KCNB2: variants seen among roughly 807,000 people sequenced by gnomAD.
The protein encoded by KCNB2 is delayed rectifier potassium channel protein.
Under a neutral mutation model 61.5 loss-of-function variants are expected in KCNB2, and 15 were observed. The ratio of observed to expected loss-of-function variants is 0.24; its 90% CI spans 0.16 to 0.38. The LOEUF (loss-of-function observed/expected upper bound fraction) is 0.38, where lower values mean the gene tolerates loss of function less well. Ranked by LOEUF, KCNB2 falls within the 10% of genes least tolerant of loss-of-function variation. The probability of loss-of-function intolerance (pLI) is 1.00; values close to 1 mark genes in which losing one functional copy is unlikely to be tolerated. For synonymous variants in KCNB2, 457 were observed against 446.0 expected (o/e 1.02, Z -0.31); for missense variants, 828 against 1,125.2 (o/e 0.74, Z 3.78).
At chr8:72,616,245 G>A (rs1393088164) in intron 2 of KCNB2, among the ~76,000 whole-genome samples, 2 of 152,066 alleles carry the variant, frequency 1.3e-5, no homozygotes, top group African/African-American at 4.8e-5. Flanking sequence ...ATTTAGAATT[G>A]GTATAAAATT....
intron 2 of KCNB2, among the ~76,000 whole-genome samples, chr8:72,597,874 A>G (rs1807224522): frequency 6.6e-6 from 1 of 152,206 alleles, no homozygotes; most frequent in East Asian, 1.9e-4. Context: ...TTGTATACTG[A>G]TGGTAGGAGT....
intron 2 of KCNB2, among the ~76,000 whole-genome samples, chr8:72,634,770 G>T (rs1805938502): frequency 6.6e-6 from 1 of 152,148 alleles, no homozygotes; most frequent in East Asian, 1.9e-4. Flanking sequence ...ATAGGTTCTT[G>T]ATGACAAGAT....
intron 1 of KCNB2, among the ~76,000 whole-genome samples, chr8:72,542,388 G>C (rs1585741749): frequency 6.6e-6 from 1 of 151,732 alleles, no homozygotes; most frequent in East Asian, 1.9e-4. Context: ...TAAAAATTTG[G>C]GTATTTTAGA....
At chr8:72,921,093 T>C (rs1806512757) in intron 2 of KCNB2, among the ~76,000 whole-genome samples, 2 of 152,108 alleles carry the variant, frequency 1.3e-5, no homozygotes, top group African/African-American at 4.8e-5. Flanking sequence ...TGAGAAACAT[T>C]GGGATCATGT....
intron 1 of KCNB2, among the ~76,000 whole-genome samples, chr8:72,538,149 CCGAG>C (rs1172375407): frequency 6.6e-6 from 1 of 152,082 alleles, no homozygotes; most frequent in Non-Finnish European, 1.5e-5. Flanking sequence ...TTTCTAGGAG[CCGAG>C]CTCTTGTTGC....
At chr8:72,924,632 A>C (rs895713175) in intron 2 of KCNB2, among the ~76,000 whole-genome samples, 5 of 152,148 alleles carry the variant, frequency 3.3e-5, no homozygotes, top group African/African-American at 1.2e-4. Context: ...AAATGTCCGC[A>C]TCAGACAGCT....
chr8:72,931,151 A>G (rs1328702689), intron 2 of KCNB2, among the ~76,000 whole-genome samples: 3 of 152,002 alleles, frequency 2.0e-5, no homozygotes, highest in African/African-American at 4.8e-5. Flanking sequence ...TGTTCCATTG[A>G]TCTATATCTC....
intron 2 of KCNB2, among the ~76,000 whole-genome samples, chr8:72,921,841 C>A (rs1427371514): frequency 1.3e-5 from 2 of 152,120 alleles, no homozygotes; most frequent in African/African-American, 4.8e-5. Context: ...AACTGGTTTT[C>A]CTGCTGACTA....
intron 2 of KCNB2, among the ~76,000 whole-genome samples, chr8:72,722,425 C>G (rs1337940392): frequency 6.6e-6 from 1 of 152,202 alleles, no homozygotes; most frequent in African/African-American, 2.4e-5. Context: ...AGCCATGGGG[C>G]CTTCCCTCCT....
chr8:72,725,559 A>C (rs1371546665), intron 2 of KCNB2, among the ~76,000 whole-genome samples: 1 of 58,336 alleles, frequency 1.7e-5, no homozygotes, highest in Non-Finnish European at 3.7e-5. Context: ...ATATATATGT[A>C]TATATGTATA....
At chr8:72,567,326 T>C (rs977124843) in intron 1 of KCNB2, among the ~76,000 whole-genome samples, 1 of 151,932 alleles carries the variant, frequency 6.6e-6, no homozygotes, top group African/African-American at 2.4e-5. Flanking sequence ...AAAGAGTTGA[T>C]CAAGCACATG....
chr8:72,902,573 AT>A (rs1806108466), intron 2 of KCNB2, among the ~76,000 whole-genome samples: 1 of 152,170 alleles, frequency 6.6e-6, no homozygotes, highest in South Asian at 2.1e-4. Flanking sequence ...TTGACCAAAT[AT>A]TTTATCAATG....
chr8:72,575,315 A>G (rs1379697052), intron 2 of KCNB2, among the ~76,000 whole-genome samples: 1 of 135,472 alleles, frequency 7.4e-6, no homozygotes, highest in Non-Finnish European at 1.5e-5. Context: ...GTATATATTG[A>G]TATATTAATA....
intron 2 of KCNB2, among the ~76,000 whole-genome samples, chr8:72,725,537 A>G (rs1395517242): frequency 1.3e-3 from 74 of 55,440 alleles, no homozygotes; most frequent in African/African-American, 4.0e-3. Flanking sequence ...ATATATATAT[A>G]TATGTGTGTA....
At chr8:72,781,070 G>GT (rs957512361) in intron 2 of KCNB2, among the ~76,000 whole-genome samples, 1 of 151,890 alleles carries the variant, frequency 6.6e-6, no homozygotes, top group Non-Finnish European at 1.5e-5. Context: ...TGATGGGGTT[G>GT]TTTTTTTCTT....
chr8:72,641,741 T>C (rs1255157111), intron 2 of KCNB2, among the ~76,000 whole-genome samples: 1 of 152,128 alleles, frequency 6.6e-6, no homozygotes, highest in African/African-American at 2.4e-5. Context: ...TAACTAAGAC[T>C]CAGTTTCTTC....
intron 2 of KCNB2, among the ~76,000 whole-genome samples, chr8:72,616,950 C>T (rs1349997647): frequency 6.6e-6 from 1 of 152,168 alleles, no homozygotes; most frequent in Non-Finnish European, 1.5e-5. Context: ...TTACACATTG[C>T]TTAACTAAAT....
chr8:72,681,905 C>T (rs879778709), intron 2 of KCNB2, among the ~76,000 whole-genome samples: 1 of 152,188 alleles, frequency 6.6e-6, no homozygotes, highest in Admixed American at 6.5e-5. Flanking sequence ...CACCACATGA[C>T]TATGTAGTGA....
intron 2 of KCNB2, among the ~76,000 whole-genome samples, chr8:72,827,945 T>A (rs1482915630): frequency 6.6e-6 from 1 of 152,060 alleles, no homozygotes; most frequent in African/African-American, 2.4e-5. Flanking sequence ...CCTGAGTAGC[T>A]GGGATTACAG....
Sources: allele counts gnomAD v4.1 joint callset (sites outside exome capture counted in the v4.1 genomes callset), GRCh38; gene constraint gnomAD v4.1.1; transcripts MANE v1.5; gene names NCBI Gene and HGNC (gene_info 2026-07-23, HGNC 2026-07-21).